KCNA2: variants seen among roughly 807,000 people sequenced by gnomAD.
KCNA2 encodes potassium channel, voltage gated shaker related subfamily A, member 2.
A neutral mutation model predicts 33.4 loss-of-function variants in KCNA2; 11 were observed. The ratio of observed to expected loss-of-function variants is 0.33; its 90% CI spans 0.21 to 0.55. The LOEUF (loss-of-function observed/expected upper bound fraction) is 0.55. Ranked by LOEUF, KCNA2 falls within the 20% of genes least tolerant of loss-of-function variation. The pLI is 0.93. For missense variants in KCNA2, 291 were observed against 621.6 expected (o/e 0.47, Z 5.66); for synonymous variants, 222 against 231.3 (o/e 0.96, Z 0.37).
At chr1:110,627,780 C>T (rs563534568) in intron 1 of KCNA2, among the ~76,000 whole-genome samples, 14 of 151,488 alleles carry the variant, frequency 9.2e-5, no homozygotes, top group African/African-American at 2.7e-4. Flanking sequence ...CAGTGAGCCA[C>T]GATCCCACCA....
chr1:110,608,533 G>A (rs1242705350), upstream of KCNA2, among the ~76,000 whole-genome samples: 1 of 152,220 alleles, frequency 6.6e-6, no homozygotes, highest in Non-Finnish European at 1.5e-5. Context: ...CGGGACTCCG[G>A]ATTCTGGCGT....
chr1:110,612,338 G>T (rs1649903243), intron 1 of KCNA2, among the ~76,000 whole-genome samples: 1 of 152,146 alleles, frequency 6.6e-6, no homozygotes, highest in Admixed American at 6.5e-5. Context: ...AGAGCCTTTT[G>T]CCCTAGGCTA....
chr1:110,615,046 C>A lies in KCNA2; in HGVS notation c.-495-9324G>T, dbSNP rs1367129703. The stretch of plus-strand genomic sequence containing the variant: ...GATGTTCTCTGAGTCCAAGAAGGGT[C>A]ATTACAAAGGGAACACAGGGAATCT... On this transcript the variant is annotated intron_variant, in intron 1 of 4. Transcript: ENST00000369770. Among the ~76,000 whole-genome samples the A allele has an allele frequency of 2.6e-5, 4 of 152,196 alleles. No individual in the cohort carries two copies. In the East Asian group the frequency reaches 7.7e-4, roughly 29 times the overall value.
At chr1:110,622,106 A>G (rs1359739474) in intron 1 of KCNA2, among the ~76,000 whole-genome samples, 1 of 152,160 alleles carries the variant, frequency 6.6e-6, no homozygotes, top group African/African-American at 2.4e-5. Flanking sequence ...CCGAATAAAG[A>G]CGTATGAAAT....
chr1:110,615,683 A>G (rs1004225162), intron 1 of KCNA2, among the ~76,000 whole-genome samples: 1 of 152,224 alleles, frequency 6.6e-6, no homozygotes, highest in Admixed American at 6.5e-5. Context: ...AGGGAAAGGT[A>G]GACAAGTGAG....
In KCNA2 at chr1:110,599,608, G is replaced by C; in HGVS notation, c.*3675C>G. ...CATTTTAAGAGACAGGTCTCTATAG[G>C]GTCTCAACTTCCTGACCGTGCCCCC... On this transcript the variant is annotated 3_prime_UTR_variant, in exon 3 of 3. Coordinates refer to ENST00000316361, the MANE Select transcript of KCNA2 (RefSeq NM_004974.4). 1 of 985,420 alleles carries C rather than the reference G, an allele frequency of 1.0e-6. No individual in the cohort carries two copies. The highest frequency in any genetic ancestry group is 4.7e-5 in the South Asian group (1 of 21,282). 61.0% of individuals were successfully genotyped at this position (985,420 alleles called of 1,614,324 possible). A position where few individuals can be genotyped will look rare whatever the true frequency, so the allele number is the denominator to read the frequency against.
rs771150695 is a variant in KCNA2, at chr1:110,594,602, A to G, written c.*8681T>C. On this transcript the variant is annotated 3_prime_UTR_variant, in exon 3 of 3. Transcript: ENST00000316361. ...TGGGGTATTGTTTGCTCAGCAGGCTAGAGCTTGATCATGGGACTTTCCAGC... is the reference window on the plus strand; with the variant it reads ...TGGGGTATTGTTTGCTCAGCAGGCTGGAGCTTGATCATGGGACTTTCCAGC... 1.0e-6 allele frequency: 1 copy of G among 985,404 alleles called. No homozygotes were observed. Among genetic ancestry groups the G allele is most frequent in the Non-Finnish European group, 1.2e-6 (1 of 829,924 alleles). The allele number at this position is 985,404 out of a possible 1,614,324, so 61.0% of individuals were successfully genotyped here.
At position 110,597,188 on chromosome 1, in the gene KCNA2, C is replaced by G. The variant is rs1396481737; in HGVS notation, c.*6095G>C. On this transcript the variant is annotated 3_prime_UTR_variant, in exon 3 of 3. Coordinates refer to ENST00000316361, the MANE Select transcript of KCNA2 (RefSeq NM_004974.4). ...TCCCAAATCTGCCCAGGCTACTGATCCCAAGTGCAAACCTCCAGGCCACAT... is the reference window on the plus strand; with the variant it reads ...TCCCAAATCTGCCCAGGCTACTGATGCCAAGTGCAAACCTCCAGGCCACAT... The G allele has an allele frequency of 1.0e-6, 1 of 985,326 alleles. No homozygotes were observed. The highest frequency in any genetic ancestry group is 1.2e-6 in the Non-Finnish European group (1 of 829,942). The allele number at this position is 985,326 out of a possible 1,614,324, so 61.0% of individuals were successfully genotyped here.
Position 110,600,611 on chromosome 1 carries a change from T to C in KCNA2, c.*2672A>G, listed in dbSNP as rs1222951465. 3.0e-6 allele frequency: 3 copies of C among 985,274 alleles called. No individual in the cohort carries two copies. Among genetic ancestry groups the C allele is most frequent in the Non-Finnish European group, 3.6e-6 (3 of 829,900 alleles). 61.0% of individuals were successfully genotyped at this position (985,274 alleles called of 1,614,324 possible). ...ATTTTGTGGTGAATGTGCATGACTG[T>C]ATGTGAACATTTTAGAGTCCTGGGC... On this transcript the variant is annotated 3_prime_UTR_variant, in exon 3 of 3. Coordinates refer to ENST00000316361, the MANE Select transcript of KCNA2 (RefSeq NM_004974.4).
intron 1 of KCNA2, among the ~76,000 whole-genome samples, chr1:110,615,369 A>T (rs959763212): frequency 6.6e-6 from 1 of 152,196 alleles, no homozygotes; most frequent in Non-Finnish European, 1.5e-5. Flanking sequence ...TGCCCTGGGA[A>T]CTCAAATCTG....
intron 1 of KCNA2, among the ~76,000 whole-genome samples, chr1:110,627,144 G>A (rs1013543596): frequency 2.0e-5 from 3 of 152,140 alleles, no homozygotes; most frequent in East Asian, 1.9e-4. Context: ...CAAAACCTTC[G>A]TGTCTAGGGT....
At position 110,603,050 on chromosome 1, in the gene KCNA2, T is replaced by C. The variant is rs922312586; in HGVS notation, c.*233A>G. ...GTGTCTATCTGAAATCCTAGCTTGA[T>C]AGGTGACTCCCGTCTTTGGAAGTTC... On this transcript the variant is annotated 3_prime_UTR_variant, in exon 3 of 3. Coordinates refer to ENST00000316361, the MANE Select transcript of KCNA2 (RefSeq NM_004974.4). This position sits in a 1 kb window ranked among gnomAD's most constrained non-coding sequence, Gnocchi z 5.7. 3.6e-6 allele frequency: 5 copies of C among 1,386,768 alleles called. No individual in the cohort carries two copies. The highest frequency in any genetic ancestry group is 1.5e-5 in the African/African-American group (1 of 68,618). 85.9% of individuals were successfully genotyped at this position (1,386,768 alleles called of 1,614,324 possible).
rs1649401315 is a variant in KCNA2, at chr1:110,602,402, C to T, written c.*881G>A. ...AATATTGAGATTCATGCAACAAACA[C>T]CCATGCAGCTCTATTGCATCACTGG... On this transcript the variant is annotated 3_prime_UTR_variant, in exon 3 of 3. Coordinates refer to ENST00000316361, the MANE Select transcript of KCNA2 (RefSeq NM_004974.4). The T allele has an allele frequency of 2.9e-6, 4 of 1,380,322 alleles. No homozygotes were observed. The highest frequency in any genetic ancestry group is 2.8e-6 in the Non-Finnish European group (3 of 1,069,932). The allele number at this position is 1,380,322 out of a possible 1,614,324, so 85.5% of individuals were successfully genotyped here. A position where few individuals can be genotyped will look rare whatever the true frequency, so the allele number is the denominator to read the frequency against.
At chr1:110,625,592 G>A (rs1241687260) in intron 1 of KCNA2, among the ~76,000 whole-genome samples, 1 of 152,024 alleles carries the variant, frequency 6.6e-6, no homozygotes, top group Non-Finnish European at 1.5e-5. Flanking sequence ...ACAAAAAATT[G>A]ATAAATTCAA....
chr1:110,613,426 A>C (rs574520859), intron 1 of KCNA2, among the ~76,000 whole-genome samples: 3 of 152,366 alleles, frequency 2.0e-5, no homozygotes, highest in Admixed American at 1.3e-4. Flanking sequence ...CTGCCCTGGC[A>C]GTGTTTGTGA....
upstream of KCNA2, among the ~76,000 whole-genome samples, chr1:110,609,240 A>G (rs1649790582): frequency 6.6e-6 from 1 of 152,168 alleles, no homozygotes; most frequent in Non-Finnish European, 1.5e-5. Flanking sequence ...ATCTGATCAT[A>G]TGTATACATT....
At chr1:110,613,686 A>T (rs914764020) in intron 1 of KCNA2, among the ~76,000 whole-genome samples, 1 of 152,204 alleles carries the variant, frequency 6.6e-6, no homozygotes, top group Non-Finnish European at 1.5e-5. Context: ...CCTGTATCAG[A>T]GGATAGCAGG....
rs1449212451 is a variant in KCNA2 at position 110,599,291 on chromosome 1, G to A, written c.*3992C>T. 3.8e-5 allele frequency: 37 copies of A among 982,714 alleles called. No individual in the cohort carries two copies. Among genetic ancestry groups the A allele is most frequent in the Non-Finnish European group, 4.3e-5 (36 of 827,606 alleles). 60.9% of individuals were successfully genotyped at this position (982,714 alleles called of 1,614,324 possible). On this transcript the variant is annotated 3_prime_UTR_variant, in exon 3 of 3. Coordinates refer to ENST00000316361, the MANE Select transcript of KCNA2 (RefSeq NM_004974.4). ...CCAGCTCCAAGAGTAATCCAAAATG[G>A]TGGGTAATCTTAGAAAGTATTTAAA... is the stretch of plus-strand genomic sequence containing the variant.
Position 110,597,330 on chromosome 1 carries a change from A to T in KCNA2, c.*5953T>A, listed in dbSNP as rs548613214. 9 of 985,308 alleles carry T rather than the reference A, an allele frequency of 9.1e-6. No homozygotes were observed. In the East Asian group the frequency reaches 1.0e-3, roughly 112 times the overall value. The allele number at this position is 985,308 out of a possible 1,614,324, so 61.0% of individuals were successfully genotyped here. A position where few individuals can be genotyped will look rare whatever the true frequency, so the allele number is the denominator to read the frequency against. On this transcript the variant is annotated 3_prime_UTR_variant, in exon 3 of 3. Coordinates refer to ENST00000316361, the MANE Select transcript of KCNA2 (RefSeq NM_004974.4). The stretch of plus-strand genomic sequence containing the variant: ...GGCTCAGGATGCTTTATTCTTATCT[A>T]TTGGGAAGTGCTTTCGTGTAGGCTT...
Sources: allele counts gnomAD v4.1 joint callset (sites outside exome capture counted in the v4.1 genomes callset), GRCh38; gene constraint gnomAD v4.1.1; non-coding constraint Gnocchi (gnomAD v3.1); transcripts MANE v1.5; gene names NCBI Gene and HGNC (gene_info 2026-07-23, HGNC 2026-07-21).